The following CDH13 variants were observed in gnomAD, a reference collection of about 807,000 sequenced individuals.
CDH13 encodes the protein cadherin-13.
A neutral mutation model predicts 63.8 loss-of-function variants in CDH13; 24 were observed. That is an observed-to-expected ratio of 0.38 (90% CI 0.27 to 0.53). The LOEUF (loss-of-function observed/expected upper bound fraction) is 0.53. Among genes scored for constraint, CDH13 ranks in the 20% least tolerant of loss-of-function variants. The probability of loss-of-function intolerance (pLI) is 0.85; values close to 1 mark genes in which losing one functional copy is unlikely to be tolerated. For missense variants in CDH13, 1,049 were observed against 903.1 expected, an observed-to-expected ratio of 1.16 and a Z score of -2.07; for synonymous variants, 503 against 355.3, an observed-to-expected ratio of 1.42 and a Z score of -4.67.
chr16:83,778,389 A>C (rs1451490601), intron 11 of CDH13, among the ~76,000 whole-genome samples: 1 of 152,074 alleles, frequency 6.6e-6, no homozygotes, highest in Non-Finnish European at 1.5e-5. Context: ...AATTAGCTGG[A>C]CATTGTGTTG....
At chr16:83,568,934 C>T (rs184968486) in intron 7 of CDH13, among the ~76,000 whole-genome samples, 44 of 152,194 alleles carry the variant, frequency 2.9e-4, no homozygotes, top group Middle Eastern at 3.4e-3. Flanking sequence ...CATCCATTCT[C>T]TCACTGCCTC....
intron 5 of CDH13, among the ~76,000 whole-genome samples, chr16:83,285,466 C>G (rs1257364039): frequency 1.3e-5 from 2 of 150,824 alleles, no homozygotes; most frequent in African/African-American, 2.4e-5. Context: ...TACAGGTGGT[C>G]ACAGATATCC....
At chr16:83,009,765 A>G (rs1273268798) in intron 2 of CDH13, among the ~76,000 whole-genome samples, 1 of 152,230 alleles carries the variant, frequency 6.6e-6, no homozygotes, top group Non-Finnish European at 1.5e-5. Context: ...CTAGGAAATT[A>G]AATATTATCA....
intron 5 of CDH13, among the ~76,000 whole-genome samples, chr16:83,310,327 G>C (rs900282962): frequency 1.3e-5 from 2 of 152,190 alleles, no homozygotes; most frequent in Admixed American, 6.5e-5. Flanking sequence ...AGGTAAATTA[G>C]TTTCTGTGAT....
intron 1 of CDH13, among the ~76,000 whole-genome samples, chr16:82,849,156 A>G (rs143289828): frequency 6.6e-6 from 1 of 152,224 alleles, no homozygotes; most frequent in African/African-American, 2.4e-5. Context: ...GTTGGAAGCT[A>G]GCAGAGGTTA....
intron 1 of CDH13, among the ~76,000 whole-genome samples, chr16:82,715,439 T>G (rs2032294437): frequency 6.6e-6 from 1 of 152,164 alleles, no homozygotes; most frequent in Non-Finnish European, 1.5e-5. Flanking sequence ...GAGTAGGTTC[T>G]GCTTTATTGA....
chr16:83,285,612 A>G (rs2089290818), intron 5 of CDH13, among the ~76,000 whole-genome samples: 1 of 152,182 alleles, frequency 6.6e-6, no homozygotes, highest in Non-Finnish European at 1.5e-5. Flanking sequence ...TAAGTAATCT[A>G]GAGATGATTT....
chr16:83,515,686 A>T (rs979463977), intron 7 of CDH13, among the ~76,000 whole-genome samples: 3 of 152,206 alleles, frequency 2.0e-5, no homozygotes, highest in African/African-American at 7.2e-5. Context: ...TATGAGAATC[A>T]AGTTTTTTAT....
chr16:82,803,027 G>A (rs750001542), intron 1 of CDH13, among the ~76,000 whole-genome samples: 1 of 152,208 alleles, frequency 6.6e-6, no homozygotes, highest in Non-Finnish European at 1.5e-5. Context: ...CTTCCAGTGT[G>A]CTATTCTATA....
rs1909823171 is a variant in CDH13 at position 82,978,476 on chromosome 16, C to G, written c.158-53534C>G. Among the ~76,000 whole-genome samples the G allele has an allele frequency of 2.0e-5, 3 of 152,214 alleles. No homozygotes were observed. The South Asian group carries it at 6.2e-4, about 31-fold the overall frequency. ...AAAAAATGGCTTTGTGGGCCAGGCCCAAGTCTCCCCTGCTTTGTGCAGCAT... is the reference window on the plus strand; with the variant it reads ...AAAAAATGGCTTTGTGGGCCAGGCCGAAGTCTCCCCTGCTTTGTGCAGCAT... On this transcript the variant is annotated intron_variant, in intron 2 of 13. Coordinates refer to ENST00000567109, the MANE Select transcript of CDH13 (RefSeq NM_001257.5).
chr16:83,147,087 T>A (rs1014989252), intron 4 of CDH13, among the ~76,000 whole-genome samples: 1 of 150,804 alleles, frequency 6.6e-6, no homozygotes, highest in Non-Finnish European at 1.5e-5. Context: ...GACTCCATCT[T>A]AAAAAAAAAG....
intron 1 of CDH13, among the ~76,000 whole-genome samples, chr16:82,767,045 G>A (rs1270409288): frequency 6.6e-6 from 1 of 151,980 alleles, no homozygotes; most frequent in African/African-American, 2.4e-5. Flanking sequence ...TCATGTTTTC[G>A]ATTGGACACA....
In CDH13 at chr16:83,445,260, T is replaced by TTTATAAAAGGTTTTATAAA. The variant is rs1567677382; in HGVS notation, c.782-41208_782-41207insGTTTTATAAATTATAAAAG. On this transcript the variant is annotated intron_variant, in intron 6 of 13. Coordinates refer to ENST00000567109, the MANE Select transcript of CDH13 (RefSeq NM_001257.5). ...TTATAATTTATAAAAGCTTTTATAATTTATAAAAGCTTTTATAATTTATAA... is the reference window on the plus strand; with the variant it reads ...TTATAATTTATAAAAGCTTTTATAATTTATAAAAGGTTTTATAAATTATAAAAGCTTTTATAATTTATAA... 2.9e-3 allele frequency among the ~76,000 whole-genome samples: 230 copies of TTTATAAAAGGTTTTATAAA among 80,034 alleles called. 20 individuals carry two copies. The highest frequency in any genetic ancestry group is 4.0e-3 in the African/African-American group (111 of 27,940). 52.5% of individuals were successfully genotyped at this position (80,034 alleles called of 152,430 possible).
intron 3 of CDH13, among the ~76,000 whole-genome samples, chr16:83,124,180 G>A (rs574212252): frequency 1.1e-4 from 16 of 152,090 alleles, no homozygotes; most frequent in African/African-American, 3.6e-4. Flanking sequence ...CTAGTAGCTG[G>A]GATTACAGGT....
At chr16:82,974,052 C>T (rs1235358267) in intron 2 of CDH13, among the ~76,000 whole-genome samples, 2 of 152,030 alleles carry the variant, frequency 1.3e-5, no homozygotes, top group African/African-American at 4.8e-5. Flanking sequence ...CCCAAGTAAT[C>T]CCTGGGATTA....
chr16:83,680,695 C>A (rs1444123271), intron 10 of CDH13, among the ~76,000 whole-genome samples: 1 of 152,068 alleles, frequency 6.6e-6, no homozygotes, highest in Non-Finnish European at 1.5e-5. Flanking sequence ...GCAGAAAGTT[C>A]TGAGGATCTT....
At chr16:83,590,167 G>A (rs1408256793) in intron 7 of CDH13, among the ~76,000 whole-genome samples, 3 of 152,316 alleles carry the variant, frequency 2.0e-5, no homozygotes, top group East Asian at 1.9e-4. Flanking sequence ...TTTAAGGAGA[G>A]TCCTTGGTCA....
chr16:83,269,409 TTATC>T (rs2088727370), intron 5 of CDH13, among the ~76,000 whole-genome samples: 1 of 152,076 alleles, frequency 6.6e-6, no homozygotes, highest in South Asian at 2.1e-4. Context: ...CAAATATTGA[TTATC>T]TAAACTATCC....
At chr16:82,778,101 G>C (rs2151108816) in intron 1 of CDH13, among the ~76,000 whole-genome samples, 1 of 152,296 alleles carries the variant, frequency 6.6e-6, no homozygotes, top group African/African-American at 2.4e-5. Flanking sequence ...CATATGAGGA[G>C]GCAGGGTTCA....
Sources: allele counts gnomAD v4.1 joint callset (sites outside exome capture counted in the v4.1 genomes callset), GRCh38; gene constraint gnomAD v4.1.1; transcripts MANE v1.5; gene names NCBI Gene and HGNC (gene_info 2026-07-23, HGNC 2026-07-21).